Variants in UNC13C observed in about 807,000 individuals in gnomAD.
UNC13C encodes protein unc-13 homolog C.
UNC13C carries 174 observed loss-of-function variants against 245.4 expected under a neutral mutation model. That is an observed-to-expected ratio of 0.71 (90% CI 0.63 to 0.80). The LOEUF (loss-of-function observed/expected upper bound fraction) is 0.80. Among genes scored for constraint, UNC13C ranks in the 30% least tolerant of loss-of-function variants. The probability of loss-of-function intolerance (pLI) is 0.00; values close to 1 mark genes in which losing one functional copy is unlikely to be tolerated. For missense variants in UNC13C, 2,829 were observed against 2,602.9 expected (o/e 1.09, Z -1.89); for synonymous variants, 992 against 895.1 (o/e 1.11, Z -1.93).
At chr15:54,559,270 C>T (rs1897206292) in intron 29 of UNC13C, among the ~76,000 whole-genome samples, 1 of 151,982 alleles carries the variant, frequency 6.6e-6, no homozygotes, top group Non-Finnish European at 1.5e-5. Context: ...GTTCAGGACT[C>T]CAGGCAAACA....
rs1361936138 is a variant in UNC13C, at chr15:54,012,769, C to G, written c.-135C>G. On this transcript the variant is annotated 5_prime_UTR_variant, in exon 2 of 33. Coordinates refer to ENST00000260323, the MANE Select transcript of UNC13C (RefSeq NM_001080534.3). The stretch of plus-strand genomic sequence containing the variant: ...ACAGGACAGCGACAATGTGGCAGAG[C>G]CATGCCTGCCCTTCCTGCTCTTTCC... The G allele has an allele frequency of 1.5e-5, 10 of 685,160 alleles. No individual in the cohort carries two copies. Among genetic ancestry groups the G allele is most frequent in the Non-Finnish European group, 2.5e-5 (10 of 402,626 alleles). 42.4% of individuals were successfully genotyped at this position (685,160 alleles called of 1,614,324 possible).
chr15:53,916,145 A>C, the UNC13C span, among the ~76,000 whole-genome samples: 1 of 152,188 alleles, frequency 6.6e-6, no homozygotes, highest in African/African-American at 2.4e-5. Flanking sequence ...AGTTCGAAGA[A>C]TGGTAATAGA....
the UNC13C span, among the ~76,000 whole-genome samples, chr15:53,850,549 T>C: frequency 3.3e-5 from 5 of 152,228 alleles, no homozygotes; most frequent in Non-Finnish European, 7.3e-5. Flanking sequence ...GATACGAATC[T>C]GCAATCATTC....
chr15:54,208,642 TAAG>T (rs2034787659), intron 4 of UNC13C, among the ~76,000 whole-genome samples: 1 of 151,822 alleles, frequency 6.6e-6, no homozygotes, highest in South Asian at 2.1e-4. Context: ...ACTATGAAAA[TAAG>T]AACTAAACCA....
At chr15:54,427,763 T>C (rs751353616) in intron 19 of UNC13C, among the ~76,000 whole-genome samples, 1 of 151,832 alleles carries the variant, frequency 6.6e-6, no homozygotes, top group Non-Finnish European at 1.5e-5. Context: ...GTCATAAATG[T>C]TCTCGACTTA....
intron 2 of UNC13C, among the ~76,000 whole-genome samples, chr15:54,068,075 C>T (rs1898151849): frequency 6.6e-6 from 1 of 152,070 alleles, no homozygotes; most frequent in Non-Finnish European, 1.5e-5. Context: ...AATTTCATTA[C>T]CTACATTGGT....
In UNC13C at chr15:54,223,223, C is replaced by T. The variant is rs2035279781; in HGVS notation, c.3072-11807C>T. On this transcript the variant is annotated intron_variant, in intron 4 of 32. Coordinates refer to ENST00000260323, the MANE Select transcript of UNC13C (RefSeq NM_001080534.3). ...TTTTCTTCTAGTAGTTTTATAGCTTCTGGTCTTAGATTTAAGTCTTTAATC... is the reference window on the plus strand; with the variant it reads ...TTTTCTTCTAGTAGTTTTATAGCTTTTGGTCTTAGATTTAAGTCTTTAATC... Among the ~76,000 whole-genome samples, 8 of 152,146 alleles carry T rather than the reference C, an allele frequency of 5.3e-5. No individual in the cohort carries two copies. The South Asian group carries it at 1.7e-3, about 31-fold the overall frequency.
chr15:54,236,550 A>G, intron 6 of UNC13C, 115 bp downstream of exon 6: 1 of 798,990 alleles, frequency 1.3e-6, no homozygotes, highest in South Asian at 2.0e-5. Flanking sequence ...CAGACATACA[A>G]GAATAAGAAG....
In UNC13C at chr15:54,466,600, G is replaced by A. The variant is rs1465084938; in HGVS notation, c.4934-28008G>A. Among the ~76,000 whole-genome samples the A allele has an allele frequency of 2.0e-5, 3 of 151,832 alleles. No individual in the cohort carries two copies. In the East Asian group the frequency reaches 5.8e-4, roughly 29 times the overall value. ...TCTTGAGACACTATCGTGTCAGGATGTTGCATCTTTAAGACAAAAAAATTA... is the reference window on the plus strand; with the variant it reads ...TCTTGAGACACTATCGTGTCAGGATATTGCATCTTTAAGACAAAAAAATTA... On this transcript the variant is annotated intron_variant, in intron 19 of 32. Transcript: ENST00000260323.
chr15:54,335,038 C>T (rs1192225256), intron 16 of UNC13C, among the ~76,000 whole-genome samples: 1 of 152,082 alleles, frequency 6.6e-6, no homozygotes, highest in Non-Finnish European at 1.5e-5. Flanking sequence ...CACATACTCC[C>T]ACCACCTACC....
At chr15:54,262,488 C>G (rs1567143267) in intron 8 of UNC13C, among the ~76,000 whole-genome samples, 1 of 152,172 alleles carries the variant, frequency 6.6e-6, no homozygotes, top group East Asian at 1.9e-4. Flanking sequence ...ATAGTTTCAA[C>G]TATTTACTCC....
intron 17 of UNC13C, among the ~76,000 whole-genome samples, chr15:54,388,492 A>T (rs984852273): frequency 6.6e-6 from 1 of 152,174 alleles, no homozygotes; most frequent in East Asian, 1.9e-4. Flanking sequence ...CTACCCCACC[A>T]GTACACTGTG....
intron 7 of UNC13C, among the ~76,000 whole-genome samples, chr15:54,242,715 A>G (rs763006992): frequency 1.1e-4 from 16 of 152,204 alleles, no homozygotes; most frequent in African/African-American, 3.1e-4. Flanking sequence ...TAACTATTGC[A>G]TATACACAAA....
chr15:54,440,327 G>A (rs1344344460), intron 19 of UNC13C, among the ~76,000 whole-genome samples: 3 of 151,790 alleles, frequency 2.0e-5, no homozygotes, highest in Non-Finnish European at 2.9e-5. Context: ...TTTCTTTATG[G>A]CAGTGTGAAA....
At chr15:54,546,099 G>A (rs1328247455) in intron 26 of UNC13C, among the ~76,000 whole-genome samples, 3 of 152,174 alleles carry the variant, frequency 2.0e-5, no homozygotes, top group Non-Finnish European at 2.9e-5. Flanking sequence ...ACTGGATAAA[G>A]AAAATGTGGC....
intron 23 of UNC13C, among the ~76,000 whole-genome samples, chr15:54,511,306 C>A (rs1172084263): frequency 6.6e-6 from 1 of 152,068 alleles, no homozygotes; most frequent in East Asian, 1.9e-4. Context: ...GTGGTCTTTA[C>A]CTGCAGCCAG....
intron 19 of UNC13C, among the ~76,000 whole-genome samples, chr15:54,484,528 T>A (rs1033691384): frequency 6.6e-6 from 1 of 151,602 alleles, no homozygotes; most frequent in African/African-American, 2.4e-5. Context: ...GTAAAGTAAG[T>A]AAATAACTAT....
chr15:54,120,956 G>A (rs772639738), intron 2 of UNC13C, among the ~76,000 whole-genome samples: 33 of 152,122 alleles, frequency 2.2e-4, no homozygotes, highest in Non-Finnish European at 4.6e-4. Flanking sequence ...AAGTAAATGG[G>A]TTTCTGAGAT....
chr15:54,022,301 G>A (rs1474017576), intron 2 of UNC13C, among the ~76,000 whole-genome samples: 2 of 151,950 alleles, frequency 1.3e-5, no homozygotes, highest in Admixed American at 1.3e-4. Context: ...ATATCACACT[G>A]TGGTTTTTTG....
Sources: gnomAD v4.1 joint callset for allele counts (sites outside exome capture counted in the v4.1 genomes callset) on GRCh38, gnomAD v4.1.1 for gene constraint, MANE v1.5 for transcripts, NCBI Gene and HGNC (gene_info 2026-07-23, HGNC 2026-07-21) for gene names.